The following FHIT variants were observed in gnomAD, a reference collection of about 807,000 sequenced individuals.
FHIT encodes the protein bis(5'-adenosyl)-triphosphatase.
A neutral mutation model predicts 17.9 loss-of-function variants in FHIT; 19 were observed. That is an observed-to-expected ratio of 1.06 (90% CI 0.74 to 1.56). The LOEUF is 1.56. FHIT is among the 40% of genes most tolerant of loss of function. The pLI is 0.00. For synonymous variants in FHIT, 81 were observed against 69.7 expected (o/e 1.16, Z -0.81); for missense variants, 248 against 189.2 (o/e 1.31, Z -1.82).
rs553448780 is a variant in FHIT, at chr3:60,467,515, T to A, written c.103+69345A>T. On this transcript the variant is annotated intron_variant, in intron 5 of 9. Transcript: ENST00000492590. Reference sequence around the variant, plus strand: ...ACCATATCTCATAGGTTTTGATACATTGCGTTTCCATTTTCATTTGTTTCA... The same window carrying A: ...ACCATATCTCATAGGTTTTGATACAATGCGTTTCCATTTTCATTTGTTTCA... 3.9e-5 allele frequency among the ~76,000 whole-genome samples: 6 copies of A among 152,162 alleles called. No homozygotes were observed. In the East Asian group the frequency reaches 1.2e-3, roughly 29 times the overall value.
chr3:59,904,371 G>C (rs1704485855), intron 8 of FHIT, among the ~76,000 whole-genome samples: 1 of 151,338 alleles, frequency 6.6e-6, no homozygotes, highest in Admixed American at 6.6e-5. Context: ...AAGCAAATAG[G>C]AGATGATTTT....
At chr3:60,581,383 G>A (rs1407651417) in intron 4 of FHIT, among the ~76,000 whole-genome samples, 3 of 152,086 alleles carry the variant, frequency 2.0e-5, no homozygotes, top group Non-Finnish European at 4.4e-5. Context: ...ATCATATGCT[G>A]TCTTGATACT....
chr3:60,297,899 C>T (rs1437329543), intron 5 of FHIT, among the ~76,000 whole-genome samples: 2 of 152,094 alleles, frequency 1.3e-5, no homozygotes, highest in African/African-American at 4.8e-5. Flanking sequence ...TTGTGTACCC[C>T]AGGCTGTGAA....
intron 5 of FHIT, among the ~76,000 whole-genome samples, chr3:60,065,275 T>C (rs1403668998): frequency 1.3e-5 from 2 of 152,208 alleles, no homozygotes; most frequent in Non-Finnish European, 1.5e-5. Context: ...GAAATGTCTT[T>C]GGGATCAGCC....
intron 5 of FHIT, among the ~76,000 whole-genome samples, chr3:60,190,479 T>G (rs986269203): frequency 2.6e-4 from 40 of 152,096 alleles, no homozygotes; most frequent in African/African-American, 9.4e-4. Context: ...CTGGGCACGG[T>G]GGCTCACACC....
intron 8 of FHIT, among the ~76,000 whole-genome samples, chr3:59,781,398 T>G (rs1023361757): frequency 6.6e-6 from 1 of 152,244 alleles, no homozygotes; most frequent in African/African-American, 2.4e-5. Flanking sequence ...ACTCGGTTCA[T>G]AAACCAGGGA....
At chr3:60,630,797 T>A (rs1012797010) in intron 4 of FHIT, among the ~76,000 whole-genome samples, 5 of 152,110 alleles carry the variant, frequency 3.3e-5, no homozygotes, top group Non-Finnish European at 5.9e-5. Flanking sequence ...TCCCTCTGGT[T>A]TATACAGAGT....
intron 4 of FHIT, among the ~76,000 whole-genome samples, chr3:60,567,815 T>C (rs540527914): frequency 6.6e-6 from 1 of 152,238 alleles, no homozygotes; most frequent in African/African-American, 2.4e-5. Flanking sequence ...CAGACACTTC[T>C]CAAAAGAAGA....
chr3:60,188,856 G>A (rs1239593961), intron 5 of FHIT, among the ~76,000 whole-genome samples: 2 of 152,124 alleles, frequency 1.3e-5, no homozygotes, highest in African/African-American at 4.8e-5. Context: ...TTTCTGAGCT[G>A]CCTCTCACAA....
At chr3:59,792,179 C>G (rs1699592755) in intron 8 of FHIT, among the ~76,000 whole-genome samples, 2 of 152,156 alleles carry the variant, frequency 1.3e-5, no homozygotes, top group South Asian at 4.1e-4. Context: ...CTTTGTTTCT[C>G]CTTTGAACCC....
chr3:60,052,127 T>TA (rs1265846230), intron 5 of FHIT, among the ~76,000 whole-genome samples: 3 of 152,136 alleles, frequency 2.0e-5, no homozygotes, highest in Non-Finnish European at 4.4e-5. Flanking sequence ...CCCTTGTATA[T>TA]AAAAAACTTG....
chr3:60,539,692 C>CA (rs1413570362), intron 4 of FHIT, among the ~76,000 whole-genome samples: 37 of 151,892 alleles, frequency 2.4e-4, no homozygotes, highest in Admixed American at 2.4e-3. Context: ...ATCACAAGGA[C>CA]AAAAAACCAA....
At chr3:60,670,681 A>C (rs1553693607) in intron 4 of FHIT, among the ~76,000 whole-genome samples, 1 of 152,214 alleles carries the variant, frequency 6.6e-6, no homozygotes, top group Non-Finnish European at 1.5e-5. Context: ...TTTAGAACAC[A>C]TTAGATGTAA....
At chr3:60,752,672 T>C (rs1285015472) in intron 4 of FHIT, among the ~76,000 whole-genome samples, 1 of 152,146 alleles carries the variant, frequency 6.6e-6, no homozygotes, top group Non-Finnish European at 1.5e-5. Flanking sequence ...CAATCATGAG[T>C]GTTTGCTGTT....
chr3:60,292,142 C>G (rs1559794662), intron 5 of FHIT, among the ~76,000 whole-genome samples: 1 of 152,106 alleles, frequency 6.6e-6, no homozygotes, highest in African/African-American at 2.4e-5. Context: ...TTATTGAGCT[C>G]AAGGTAGGGC....
chr3:61,057,465 A>C (rs2034265286), intron 2 of FHIT, among the ~76,000 whole-genome samples: 1 of 152,156 alleles, frequency 6.6e-6, no homozygotes, highest in Non-Finnish European at 1.5e-5. Flanking sequence ...ATAGCTCTGG[A>C]TGGTTTCCAA....
chr3:61,123,880 A>G (rs1254695426), intron 2 of FHIT, among the ~76,000 whole-genome samples: 2 of 152,170 alleles, frequency 1.3e-5, no homozygotes, highest in East Asian at 3.9e-4. Context: ...AGCTCTTACA[A>G]ATACGTACAA....
intron 5 of FHIT, among the ~76,000 whole-genome samples, chr3:60,309,580 T>C (rs1576455472): frequency 6.6e-6 from 1 of 152,182 alleles, no homozygotes; most frequent in Non-Finnish European, 1.5e-5. Context: ...GCATTCCTTC[T>C]ACTGGAAATA....
At chr3:60,912,945 A>C (rs1206880696) in intron 3 of FHIT, among the ~76,000 whole-genome samples, 1 of 152,138 alleles carries the variant, frequency 6.6e-6, no homozygotes, top group Non-Finnish European at 1.5e-5. Context: ...TTAATCTGTC[A>C]TTTTTCACTC....
Sources: allele counts gnomAD v4.1 joint callset (sites outside exome capture counted in the v4.1 genomes callset), GRCh38; gene constraint gnomAD v4.1.1; transcripts MANE v1.5; gene names NCBI Gene and HGNC (gene_info 2026-07-23, HGNC 2026-07-21).